SH3TC2: variants seen among roughly 807,000 people sequenced by gnomAD.
SH3TC2 encodes the protein SH3 domain and tetratricopeptide repeat-containing protein 2.
SH3TC2 carries 87 observed loss-of-function variants against 124.5 expected under a neutral mutation model. That is an observed-to-expected ratio of 0.70 (90% CI 0.59 to 0.84). The LOEUF is 0.84. Ranked by LOEUF, SH3TC2 falls within the 40% of genes least tolerant of loss-of-function variation. SH3TC2 has a pLI of 0.00. For missense variants in SH3TC2, 1,536 were observed against 1,566.4 expected (o/e 0.98, Z 0.33); for synonymous variants, 634 against 628.5 (o/e 1.01, Z -0.13).
chr5:149,057,639 T>C (rs1754673638), intron 1 of SH3TC2: 1 of 152,228 alleles, frequency 6.6e-6, no homozygotes, highest in Admixed American at 6.5e-5. Flanking sequence ...GATTTTAGCA[T>C]ACATGCTGCC....
chr5:149,028,947 C>T (rs1044886252), intron 9 of SH3TC2, among the ~76,000 whole-genome samples: 2 of 146,098 alleles, frequency 1.4e-5, no homozygotes, highest in African/African-American at 5.1e-5. Flanking sequence ...CCAAGGTATA[C>T]GTGAAACTCA....
chr5:149,041,363 G>A, intron 6 of SH3TC2, 53 bp downstream of exon 6: 1 of 1,587,896 alleles, frequency 6.3e-7, no homozygotes, highest in Non-Finnish European at 8.6e-7. Context: ...TCTGTTCTGT[G>A]CAAACCTCAG....
chr5:149,046,984 C>T (rs1754474208), intron 3 of SH3TC2: 1 of 152,162 alleles, frequency 6.6e-6, no homozygotes, highest in African/African-American at 2.4e-5. Context: ...ACACTTTTCT[C>T]CTTCAGTTTG....
chr5:149,020,317 A>C lies in SH3TC2; in HGVS notation c.3053+6255T>G, dbSNP rs555468284. Among the ~76,000 whole-genome samples the C allele has an allele frequency of 1.2e-4, 18 of 152,358 alleles. No homozygotes were observed. The South Asian group carries it at 3.7e-3, about 32-fold the overall frequency. ...ACCCCAGGGTAACCATTAAGAAAAT[A>C]ACTGAAAGAAATACAGGACAAGAAA... On this transcript the variant is annotated intron_variant, in intron 12 of 16. Transcript: ENST00000515425.
In SH3TC2 at chr5:148,992,930, G is replaced by A. The variant is rs1753445455; in HGVS notation, c.*11781C>T. Among the ~76,000 whole-genome samples the A allele has an allele frequency of 6.6e-6, 1 of 152,056 alleles. No homozygotes were observed. The highest frequency in any genetic ancestry group is 2.4e-5 in the African/African-American group (1 of 41,382). ...ACATATATCATTGACTTTAACTTTG[G>A]TCCTCTGTATCTCATCATTTCCTTG... On this transcript the variant is annotated 3_prime_UTR_variant, in exon 17 of 17. Transcript: ENST00000515425.
chr5:149,001,294 G>C lies in SH3TC2; in HGVS notation c.*3417C>G, dbSNP rs1230738959. 1.3e-5 allele frequency: 2 copies of C among 152,086 alleles called. No individual in the cohort carries two copies. Among genetic ancestry groups the C allele is most frequent in the Non-Finnish European group, 2.9e-5 (2 of 68,012 alleles). The allele number at this position is 152,086 out of a possible 1,614,324, so 9.4% of individuals were successfully genotyped here. ...CAGAATGTTAATACTGTTGGACAGGGAACTAGTATACCTGAAAGCTGAGAA... is the reference window on the plus strand; with the variant it reads ...CAGAATGTTAATACTGTTGGACAGGCAACTAGTATACCTGAAAGCTGAGAA... On this transcript the variant is annotated 3_prime_UTR_variant, in exon 17 of 17. Transcript: ENST00000515425.
rs1203558303 is a variant in SH3TC2, at chr5:148,996,953, A to T, written c.*7758T>A. 1.3e-5 allele frequency among the ~76,000 whole-genome samples: 2 copies of T among 152,216 alleles called. No homozygotes were observed. Among genetic ancestry groups the T allele is most frequent in the Non-Finnish European group, 2.9e-5 (2 of 68,034 alleles). On this transcript the variant is annotated 3_prime_UTR_variant, in exon 17 of 17. Transcript: ENST00000515425. ...AATACAGTAAAATGGAAGGTTAGGGAAGTAGATAATTAAGCATTCCTGAAT... is the reference window on the plus strand; with the variant it reads ...AATACAGTAAAATGGAAGGTTAGGGTAGTAGATAATTAAGCATTCCTGAAT...
At chr5:149,006,323 A>T (rs1753688421) in intron 16 of SH3TC2, 1 of 113,654 alleles carries the variant, frequency 8.8e-6, no homozygotes. Context: ...GCAGGGATAA[A>T]ACCTTCTTAA....
chr5:149,022,370 T>A (rs894757831), intron 12 of SH3TC2, among the ~76,000 whole-genome samples: 1 of 151,808 alleles, frequency 6.6e-6, no homozygotes, highest in Non-Finnish European at 1.5e-5. Context: ...ATGGCTAAAA[T>A]AAAAAAAAGA....
Position 148,988,636 on chromosome 5 carries a change from C to T in SH3TC2, c.*16075G>A, listed in dbSNP as rs1753372796. On this transcript the variant is annotated 3_prime_UTR_variant, in exon 17 of 17. Transcript: ENST00000515425. ...CAACTGCAAGCATCAACTGTTAGCC[C>T]CGTGAGGAAGCCATCTTCGATGCCC... Among the ~76,000 whole-genome samples the T allele has an allele frequency of 6.6e-6, 1 of 152,314 alleles. No homozygotes were observed. Among genetic ancestry groups the T allele is most frequent in the South Asian group, 2.1e-4 (1 of 4,826 alleles).
intron 7 of SH3TC2, 81 bp from the exon 8 acceptor site, chr5:149,038,571 G>A (rs1247300008): frequency 6.9e-7 from 1 of 1,439,854 alleles, no homozygotes; most frequent in Non-Finnish European, 9.7e-7. Context: ...AATAGAAAAT[G>A]AGGGGTTCCC....
chr5:149,048,108 TAGTTAC>T, intron 2 of SH3TC2, 119 bp from the exon 3 acceptor site: 6 of 1,382,652 alleles, frequency 4.3e-6, no homozygotes, highest in Non-Finnish European at 6.1e-6. Flanking sequence ...GTGTCCTCAT[TAGTTAC>T]AGATTAGAGT....
In SH3TC2 at chr5:149,001,017, A is replaced by T. The variant is rs115774169; in HGVS notation, c.*3694T>A. Reference sequence around the variant, plus strand: ...TTGCCCAAGGTCGCACTGCAATTTAATATCAAAATCAAGACCAAAATACAG... The same window carrying T: ...TTGCCCAAGGTCGCACTGCAATTTATTATCAAAATCAAGACCAAAATACAG... On this transcript the variant is annotated 3_prime_UTR_variant, in exon 17 of 17. Coordinates refer to ENST00000515425, the MANE Select transcript of SH3TC2 (RefSeq NM_024577.4). 0.01 allele frequency among the ~76,000 whole-genome samples: 1,565 copies of T among 152,282 alleles called. 10 individuals carry two copies. The highest frequency in any genetic ancestry group is 0.024 in the Middle Eastern group (7 of 294).
chr5:149,000,391 T>C lies in SH3TC2; in HGVS notation c.*4320A>G, dbSNP rs1448166148. On this transcript the variant is annotated 3_prime_UTR_variant, in exon 17 of 17. Coordinates refer to ENST00000515425, the MANE Select transcript of SH3TC2 (RefSeq NM_024577.4). ...TATTAATCTCTCTGTTTTCAAACAA[T>C]GCCAGATAAGGCCTAGGCTGGGTGC... is the stretch of plus-strand genomic sequence containing the variant. 6.6e-6 allele frequency among the ~76,000 whole-genome samples: 1 copy of C among 152,232 alleles called. No individual in the cohort carries two copies. The highest frequency in any genetic ancestry group is 1.5e-5 in the Non-Finnish European group (1 of 68,036).
At chr5:149,010,912 T>C (rs566750851) in intron 13 of SH3TC2, among the ~76,000 whole-genome samples, 1 of 152,316 alleles carries the variant, frequency 6.6e-6, no homozygotes, top group East Asian at 1.9e-4. Context: ...CAGATGGAGA[T>C]AGTGTGGCTC....
intron 1 of SH3TC2, among the ~76,000 whole-genome samples, chr5:149,053,639 G>A (rs962612149): frequency 1.3e-5 from 2 of 152,198 alleles, no homozygotes; most frequent in Non-Finnish European, 2.9e-5. Context: ...AAATGAGAAT[G>A]AGCACAAATC....
In SH3TC2 at chr5:149,004,638, G is replaced by A; in HGVS notation, c.*73C>T. On this transcript the variant is annotated 3_prime_UTR_variant, in exon 17 of 17. Transcript: ENST00000515425. ...AGGTAAGGACTCGGACCCTCCCAAT[G>A]AGTATTTAAGAGCCTAGGGCAGTGG... 1 of 1,528,712 alleles carries A rather than the reference G, an allele frequency of 6.5e-7. No homozygotes were observed. Among genetic ancestry groups the A allele is most frequent in the African/African-American group, 1.4e-5 (1 of 72,984 alleles). 94.7% of individuals were successfully genotyped at this position (1,528,712 alleles called of 1,614,324 possible). A position where few individuals can be genotyped will look rare whatever the true frequency, so the allele number is the denominator to read the frequency against.
intron 6 of SH3TC2, 87 bp downstream of exon 6, chr5:149,041,329 G>T: frequency 7.4e-7 from 1 of 1,357,376 alleles, no homozygotes; most frequent in Non-Finnish European, 1.0e-6. Context: ...CACTATGGAT[G>T]CCCATATCTG....
chr5:148,983,986 A>G lies in SH3TC2; in HGVS notation c.*20725T>C, dbSNP rs1765580227. Among the ~76,000 whole-genome samples, 1 of 152,182 alleles carries G rather than the reference A, an allele frequency of 6.6e-6. No individual in the cohort carries two copies. The highest frequency in any genetic ancestry group is 2.4e-5 in the African/African-American group (1 of 41,434). ...TCACTTGAACCAATACATTTTTTTA[A>G]AATTACTTAAGCCAGTTTGAGTTTC... On this transcript the variant is annotated 3_prime_UTR_variant, in exon 17 of 17. Coordinates refer to ENST00000515425, the MANE Select transcript of SH3TC2 (RefSeq NM_024577.4).
Sources: gnomAD v4.1 joint callset for allele counts (sites outside exome capture counted in the v4.1 genomes callset) on GRCh38, gnomAD v4.1.1 for gene constraint, MANE v1.5 for transcripts, NCBI Gene and HGNC (gene_info 2026-07-23, HGNC 2026-07-21) for gene names.